Variants in PIEZO2 observed in about 807,000 individuals in gnomAD.
PIEZO2 encodes the protein piezo type mechanosensitive ion channel component 2.
A neutral mutation model predicts 337.3 loss-of-function variants in PIEZO2; 172 were observed. The ratio of observed to expected loss-of-function variants is 0.51; its 90% confidence interval spans 0.45 to 0.58. PIEZO2 has a LOEUF of 0.58. Among genes scored for constraint, PIEZO2 ranks in the 20% least tolerant of loss-of-function variants. The pLI is 0.00. For missense variants in PIEZO2, 3,028 were observed against 3,391.3 expected (o/e 0.89, Z 2.66); for synonymous variants, 1,251 against 1,228.5 (o/e 1.02, Z -0.38).
rs895916810 is a variant in PIEZO2, at chr18:10,942,938, T to A, written c.287-31710A>T. 1.3e-5 allele frequency among the ~76,000 whole-genome samples: 2 copies of A among 152,168 alleles called. No homozygotes were observed. Among genetic ancestry groups the A allele is most frequent in the African/African-American group, 4.8e-5 (2 of 41,440 alleles). ...TGGCTGAAAGGGGCCAACACAGAGCTTGGGCTATGGCATCAGAGGGTGCAA... is the reference window on the plus strand; with the variant it reads ...TGGCTGAAAGGGGCCAACACAGAGCATGGGCTATGGCATCAGAGGGTGCAA... On this transcript the variant is annotated intron_variant, in intron 3 of 55. Transcript: ENST00000674853. The surrounding 1 kb of genome is among the most constrained non-coding windows in gnomAD (Gnocchi z 4.4).
chr18:10,782,730 T>A (rs1324544598), intron 17 of PIEZO2, among the ~76,000 whole-genome samples: 1 of 151,598 alleles, frequency 6.6e-6, no homozygotes, highest in Non-Finnish European at 1.5e-5. Flanking sequence ...AGATCTTTCT[T>A]CTCTGCCATG....
chr18:11,082,192 T>C (rs550143620), intron 1 of PIEZO2, among the ~76,000 whole-genome samples: 1 of 152,346 alleles, frequency 6.6e-6, no homozygotes, highest in South Asian at 2.1e-4. Flanking sequence ...GGAAATCTAA[T>C]TAAGACTTTA....
intron 1 of PIEZO2, among the ~76,000 whole-genome samples, chr18:11,113,989 T>A (rs1193479888): frequency 1.3e-5 from 2 of 152,378 alleles, no homozygotes; most frequent in Non-Finnish European, 2.9e-5. Context: ...GCCAAGTCTA[T>A]GACAACGTTG....
At chr18:11,053,068 C>A (rs942714427) in intron 2 of PIEZO2, among the ~76,000 whole-genome samples, 6 of 152,160 alleles carry the variant, frequency 3.9e-5, no homozygotes, top group Admixed American at 3.3e-4. Flanking sequence ...GCTATGAACC[C>A]ACATGAAACT....
chr18:10,926,276 C>T (rs2031733051), intron 3 of PIEZO2, among the ~76,000 whole-genome samples: 2 of 152,206 alleles, frequency 1.3e-5, no homozygotes, highest in South Asian at 2.1e-4. Flanking sequence ...ACTCCACATT[C>T]AGCGGCGTCA....
intron 36 of PIEZO2, chr18:10,725,288 T>C (rs540859170): frequency 8.9e-6 from 14 of 1,572,784 alleles, no homozygotes; most frequent in Admixed American, 3.3e-5. Context: ...ATATGGTCCA[T>C]TGTGGGTAAA....
At chr18:11,135,282 C>T (rs947775161) in intron 1 of PIEZO2, among the ~76,000 whole-genome samples, 5 of 152,186 alleles carry the variant, frequency 3.3e-5, no homozygotes, top group Admixed American at 1.3e-4. Context: ...AGAAAACAAA[C>T]GCCAGGGCTA....
chr18:11,095,055 C>G (rs555313288), intron 1 of PIEZO2, among the ~76,000 whole-genome samples: 28 of 152,344 alleles, frequency 1.8e-4, no homozygotes, highest in Non-Finnish European at 3.7e-4. Context: ...TGCCCCACAT[C>G]AAAGGGCTCT....
rs538551287 is a variant in PIEZO2, at chr18:10,910,545, T to C, written c.329+641A>G. ...TTGCAGTGAGCCGAGATCATGCCAG[T>C]GCACTCCAGCCTGGGTAACAGAGTA... On this transcript the variant is annotated intron_variant, in intron 4 of 55. Transcript: ENST00000674853. 4.6e-5 allele frequency among the ~76,000 whole-genome samples: 7 copies of C among 151,592 alleles called. No homozygotes were observed. The South Asian group carries it at 1.5e-3, about 32-fold the overall frequency.
At chr18:11,019,610 T>C (rs972680922) in intron 2 of PIEZO2, among the ~76,000 whole-genome samples, 3 of 152,200 alleles carry the variant, frequency 2.0e-5, no homozygotes, top group African/African-American at 7.2e-5. Flanking sequence ...TTGTGACCTA[T>C]TGAATGGCCC....
intron 35 of PIEZO2, among the ~76,000 whole-genome samples, chr18:10,733,448 A>ATTT (rs34583213): frequency 0.28 from 35,941 of 128,006 alleles, 5,724 homozygotes; most frequent in African/African-American, 0.41. Context: ...AAACTTCCCA[A>ATTT]TTTTTTTTTT....
rs1453444825 is a variant in PIEZO2 at position 10,954,137 on chromosome 18, C to A, written c.286+25398G>T. On this transcript the variant is annotated intron_variant, in intron 3 of 55. Coordinates refer to ENST00000674853, the MANE Select transcript of PIEZO2 (RefSeq NM_001378183.1). The surrounding 1 kb of genome is among the most constrained non-coding windows in gnomAD (Gnocchi z 4.2). ...TGTAAATCTTCAAATTTTTATTTTT[C>A]ATTTTCAAAATTACTTTGGCTATTG... is the stretch of plus-strand genomic sequence containing the variant. Among the ~76,000 whole-genome samples, 1 of 152,114 alleles carries A rather than the reference C, an allele frequency of 6.6e-6. No individual in the cohort carries two copies. Among genetic ancestry groups the A allele is most frequent in the South Asian group, 2.1e-4 (1 of 4,822 alleles).
intron 3 of PIEZO2, among the ~76,000 whole-genome samples, chr18:10,966,471 C>A (rs1429746517): frequency 6.6e-6 from 1 of 152,198 alleles, no homozygotes; most frequent in Non-Finnish European, 1.5e-5. Context: ...CAAATCTTTA[C>A]ATTTATCTCT....
chr18:10,797,328 T>G lies in PIEZO2; in HGVS notation c.1527+46A>C. The G allele has an allele frequency of 1.5e-6, 2 of 1,340,958 alleles. 1 individual carries two copies. Among genetic ancestry groups the G allele is most frequent in the South Asian group, 2.6e-5 (2 of 76,232 alleles). 83.1% of individuals were successfully genotyped at this position (1,340,958 alleles called of 1,614,324 possible). On this transcript the variant is annotated intron_variant, in intron 12 of 55. Coordinates refer to ENST00000674853, the MANE Select transcript of PIEZO2 (RefSeq NM_001378183.1). ...CCGTCATGGCACACATACCATCATA[T>G]CATATTATACATATCATATTATACC...
At chr18:10,921,697 T>C (rs9965971) in intron 3 of PIEZO2, among the ~76,000 whole-genome samples, 71,853 of 151,952 alleles carry the variant, frequency 0.47, 17,167 homozygotes, top group South Asian at 0.5. Context: ...CTCTGACCGC[T>C]GGTGAGCCGG....
chr18:10,725,259 G>A (rs2036485972), intron 36 of PIEZO2: 3 of 1,562,654 alleles, frequency 1.9e-6, no homozygotes, highest in Non-Finnish European at 2.6e-6. Flanking sequence ...CCGGCAGGCA[G>A]CTGCTCACCA....
chr18:11,122,235 G>A (rs1028025662), intron 1 of PIEZO2, among the ~76,000 whole-genome samples: 3 of 152,162 alleles, frequency 2.0e-5, no homozygotes, highest in African/African-American at 4.8e-5. Flanking sequence ...GATTACAGGC[G>A]TGAGCCACCG....
chr18:11,100,822 C>A (rs1183495918), intron 1 of PIEZO2, among the ~76,000 whole-genome samples: 3 of 152,186 alleles, frequency 2.0e-5, no homozygotes, highest in Admixed American at 6.5e-5. Flanking sequence ...GTCTCGATCT[C>A]CTGACCTCGT....
intron 2 of PIEZO2, among the ~76,000 whole-genome samples, chr18:11,004,180 C>A (rs1228916371): frequency 3.9e-5 from 6 of 152,136 alleles, no homozygotes; most frequent in Non-Finnish European, 5.9e-5. Context: ...GTAGTGACAC[C>A]CCTGAGGACT....
Sources: allele counts gnomAD v4.1 joint callset (sites outside exome capture counted in the v4.1 genomes callset), GRCh38; gene constraint gnomAD v4.1.1; non-coding constraint Gnocchi (gnomAD v3.1); transcripts MANE v1.5; gene names NCBI Gene and HGNC (gene_info 2026-07-23, HGNC 2026-07-21).